Variants in GABRG3 observed in about 807,000 individuals in gnomAD.
GABRG3 encodes gamma-aminobutyric acid receptor subunit gamma-3.
GABRG3 carries 25 observed loss-of-function variants against 48.8 expected under a neutral mutation model. That is an observed-to-expected ratio of 0.51 (90% CI 0.37 to 0.72). The LOEUF is 0.72. Ranked by LOEUF, GABRG3 falls within the 30% of genes least tolerant of loss-of-function variation. The probability of loss-of-function intolerance (pLI) is 0.00; values close to 1 mark genes in which losing one functional copy is unlikely to be tolerated. For synonymous variants in GABRG3, 227 were observed against 217.6 expected, an observed-to-expected ratio of 1.04 and a Z score of -0.38; for missense variants, 394 against 577.9, an observed-to-expected ratio of 0.68 and a Z score of 3.26.
chr15:27,060,283 C>T (rs982292200), intron 3 of GABRG3, among the ~76,000 whole-genome samples: 1 of 152,222 alleles, frequency 6.6e-6, no homozygotes, highest in African/African-American at 2.4e-5. Context: ...TTGAATGCAG[C>T]CCACTGGCCT....
intron 5 of GABRG3, among the ~76,000 whole-genome samples, chr15:27,387,252 CG>C (rs1482988555): frequency 8.1e-6 from 1 of 123,896 alleles, no homozygotes; most frequent in South Asian, 2.9e-4. Context: ...TTGTAATTCA[CG>C]TTTTTTTTTT....
intron 3 of GABRG3, among the ~76,000 whole-genome samples, chr15:27,227,100 G>T (rs60380300): frequency 0.017 from 2,644 of 152,268 alleles, 74 homozygotes; most frequent in African/African-American, 0.061. Flanking sequence ...TGTCCTTCAG[G>T]CTTAACTTGC....
At chr15:27,164,571 C>T (rs12910678) in intron 3 of GABRG3, among the ~76,000 whole-genome samples, 1,659 of 152,096 alleles carry the variant, frequency 0.011, 4 homozygotes, top group Non-Finnish European at 0.018. Flanking sequence ...TGTTGTGTCT[C>T]TCCAGGCTCT....
intron 3 of GABRG3, among the ~76,000 whole-genome samples, chr15:27,207,482 C>T (rs889429071): frequency 6.6e-5 from 10 of 152,182 alleles, no homozygotes; most frequent in African/African-American, 2.4e-4. Context: ...TGTTGCCCAC[C>T]TAAGGGCTTC....
intron 2 of GABRG3, among the ~76,000 whole-genome samples, chr15:27,019,306 G>A (rs922896387): frequency 9.2e-5 from 14 of 151,846 alleles, no homozygotes; most frequent in African/African-American, 3.1e-4. Flanking sequence ...TCCTGACCTC[G>A]TGATCCCCCC....
At chr15:27,077,679 C>A (rs1896931522) in intron 3 of GABRG3, among the ~76,000 whole-genome samples, 1 of 152,132 alleles carries the variant, frequency 6.6e-6, no homozygotes, top group Non-Finnish European at 1.5e-5. Context: ...ATGGAAGCAA[C>A]CATTTTCTGA....
At chr15:27,514,802 G>A (rs922946085) in intron 6 of GABRG3, among the ~76,000 whole-genome samples, 3 of 152,084 alleles carry the variant, frequency 2.0e-5, no homozygotes, top group African/African-American at 4.8e-5. Context: ...ATACAGATAC[G>A]AACACACAAA....
chr15:27,490,836 G>A (rs1890332269), intron 6 of GABRG3, among the ~76,000 whole-genome samples: 1 of 152,190 alleles, frequency 6.6e-6, no homozygotes, highest in Non-Finnish European at 1.5e-5. Context: ...AACTGACAGA[G>A]ACAGGAGCAT....
In GABRG3 at chr15:27,520,656, C is replaced by T. The variant is rs1480616425; in HGVS notation, c.865+532C>T. ...GGTTCCCAAAATCTTCTTAATAAAA[C>T]ACTAACTTTCAGTAGTTTTAGAACT... On this transcript the variant is annotated intron_variant, in intron 7 of 9. Coordinates refer to ENST00000615808, the MANE Select transcript of GABRG3 (RefSeq NM_033223.5). Among the ~76,000 whole-genome samples, 2 of 33,974 alleles carry T rather than the reference C, an allele frequency of 5.9e-5. 1 individual carries two copies. The highest frequency in any genetic ancestry group is 1.0e-4 in the Non-Finnish European group (2 of 19,978). The allele number at this position is 33,974 out of a possible 152,430, so 22.3% of individuals were successfully genotyped here. A position where few individuals can be genotyped will look rare whatever the true frequency, so the allele number is the denominator to read the frequency against.
intron 3 of GABRG3, among the ~76,000 whole-genome samples, chr15:27,276,388 T>A (rs1469179361): frequency 2.0e-5 from 3 of 152,166 alleles, no homozygotes; most frequent in Non-Finnish European, 4.4e-5. Context: ...TCCCAGGCTG[T>A]TTGCTGCAGA....
At chr15:27,364,079 A>G (rs1304893946) in intron 5 of GABRG3, 1 of 152,250 alleles carries the variant, frequency 6.6e-6, no homozygotes, top group African/African-American at 2.4e-5. Flanking sequence ...GTCACTACCG[A>G]AACACAAGGT....
At chr15:27,204,931 G>A (rs575413601) in intron 3 of GABRG3, among the ~76,000 whole-genome samples, 6 of 152,062 alleles carry the variant, frequency 3.9e-5, no homozygotes, top group East Asian at 1.9e-4. Flanking sequence ...TTGGATCTAC[G>A]AGTCTTTGGG....
At chr15:27,173,705 C>CA (rs199674664) in intron 3 of GABRG3, among the ~76,000 whole-genome samples, 12,341 of 72,946 alleles carry the variant, frequency 0.17, 862 homozygotes, top group African/African-American at 0.27. Flanking sequence ...CTATCGCTGC[C>CA]AAAAAAAAAA....
rs1889319833 is a variant in GABRG3, at chr15:27,457,537, G to T, written c.575-23113G>T. ...CTTTAAATGAAGAGCTTCACACTTGGCAGAGGAGGACCTGCGATTAGATAC... is the reference window on the plus strand; with the variant it reads ...CTTTAAATGAAGAGCTTCACACTTGTCAGAGGAGGACCTGCGATTAGATAC... On this transcript the variant is annotated intron_variant, in intron 5 of 9. Transcript: ENST00000615808. This position sits in a 1 kb window ranked among gnomAD's most constrained non-coding sequence, Gnocchi z 4.4. Among the ~76,000 whole-genome samples the T allele has an allele frequency of 6.6e-6, 1 of 152,098 alleles. No individual in the cohort carries two copies. Among genetic ancestry groups the T allele is most frequent in the African/African-American group, 2.4e-5 (1 of 41,408 alleles).
At chr15:27,422,031 C>A (rs948375197) in intron 5 of GABRG3, among the ~76,000 whole-genome samples, 1 of 151,264 alleles carries the variant, frequency 6.6e-6, no homozygotes, top group Non-Finnish European at 1.5e-5. Flanking sequence ...GAGTATCCAC[C>A]AATACTGGGT....
At chr15:27,167,873 G>C (rs1410567464) in intron 3 of GABRG3, among the ~76,000 whole-genome samples, 1 of 152,124 alleles carries the variant, frequency 6.6e-6, no homozygotes, top group African/African-American at 2.4e-5. Flanking sequence ...TGCGATCAAG[G>C]CGATCACTGG....
intron 3 of GABRG3, among the ~76,000 whole-genome samples, chr15:27,109,680 T>C (rs1897511207): frequency 1.3e-5 from 2 of 152,196 alleles, no homozygotes; most frequent in Non-Finnish European, 2.9e-5. Flanking sequence ...CTCAGGAGTT[T>C]GAGACCAGCC....
intron 3 of GABRG3, among the ~76,000 whole-genome samples, chr15:27,273,460 T>C (rs530015632): frequency 6.6e-6 from 1 of 152,174 alleles, no homozygotes; most frequent in African/African-American, 2.4e-5. Context: ...TACCAAGACA[T>C]TAACATGTTC....
At chr15:27,009,835 G>C (rs1422208857) in intron 2 of GABRG3, among the ~76,000 whole-genome samples, 3 of 152,058 alleles carry the variant, frequency 2.0e-5, no homozygotes, top group African/African-American at 7.2e-5. Flanking sequence ...GATTCCTCAG[G>C]CAACTTCTTC....
Sources: gnomAD v4.1 joint callset for allele counts (sites outside exome capture counted in the v4.1 genomes callset) on GRCh38, gnomAD v4.1.1 for gene constraint, Gnocchi (gnomAD v3.1) non-coding constraint, MANE v1.5 for transcripts, NCBI Gene and HGNC (gene_info 2026-07-23, HGNC 2026-07-21) for gene names.